GRIP1: variants seen among roughly 807,000 people sequenced by gnomAD.
GRIP1 encodes glutamate receptor interacting protein 1.
GRIP1 carries 45 observed loss-of-function variants against 129.9 expected under a neutral mutation model. The ratio of observed to expected loss-of-function variants is 0.35; its 90% CI spans 0.27 to 0.44. The LOEUF is 0.44. GRIP1 is among the 20% of genes least tolerant of loss of function. The pLI, the probability that GRIP1 is intolerant of heterozygous loss-of-function variation, is 1.00. For synonymous variants in GRIP1, 530 were observed against 520.8 expected, an observed-to-expected ratio of 1.02 and a Z score of -0.24; for missense variants, 1,196 against 1,396.8, an observed-to-expected ratio of 0.86 and a Z score of 2.29.
At chr12:66,805,840 TC>T (rs1163625040), upstream of GRIP1, among the ~76,000 whole-genome samples, 2 of 152,184 alleles carry the variant, frequency 1.3e-5, no homozygotes. Context: ...CCCAGAAGTT[TC>T]CCATTTTGTA....
At chr12:66,998,997 C>T (rs977197125) in intron 1 of GRIP1, among the ~76,000 whole-genome samples, 6 of 152,108 alleles carry the variant, frequency 3.9e-5, no homozygotes, top group African/African-American at 1.4e-4. Flanking sequence ...AAGGACCCCC[C>T]TCCTCAAAGT....
intron 4 of GRIP1, among the ~76,000 whole-genome samples, chr12:66,536,603 A>T (rs780650850): frequency 6.6e-6 from 1 of 152,144 alleles, no homozygotes; most frequent in Non-Finnish European, 1.5e-5. Flanking sequence ...CACATTCTCA[A>T]TGATGCTGTC....
At chr12:66,556,693 T>C (rs984235206) in intron 2 of GRIP1, among the ~76,000 whole-genome samples, 5 of 151,840 alleles carry the variant, frequency 3.3e-5, no homozygotes, top group African/African-American at 1.2e-4. Flanking sequence ...AGTTGAAGTG[T>C]AGAGTTTTTG....
At chr12:66,728,955 T>C (rs2036342740) in intron 1 of GRIP1, among the ~76,000 whole-genome samples, 2 of 152,142 alleles carry the variant, frequency 1.3e-5, no homozygotes, top group South Asian at 4.1e-4. Context: ...GAAAGTCTAG[T>C]AATCACTAAA....
intron 1 of GRIP1, among the ~76,000 whole-genome samples, chr12:67,061,234 A>G (rs1005905556): frequency 6.6e-6 from 1 of 152,240 alleles, no homozygotes; most frequent in African/African-American, 2.4e-5. Flanking sequence ...CTCCATCCAG[A>G]GATGGCCTGC....
At chr12:67,010,570 G>A (rs796843578) in intron 1 of GRIP1, among the ~76,000 whole-genome samples, 23 of 152,282 alleles carry the variant, frequency 1.5e-4, no homozygotes, top group African/African-American at 5.5e-4. Context: ...TAGGGAGAGT[G>A]ACAAGAATGT....
At chr12:66,426,433 T>A (rs576886565) in intron 14 of GRIP1, among the ~76,000 whole-genome samples, 4 of 152,124 alleles carry the variant, frequency 2.6e-5, no homozygotes, top group Non-Finnish European at 5.9e-5. Context: ...AAGGCCCACT[T>A]TTTTCCCCCT....
chr12:66,900,680 A>C (rs2040830353), intron 1 of GRIP1, among the ~76,000 whole-genome samples: 1 of 152,180 alleles, frequency 6.6e-6, no homozygotes, highest in South Asian at 2.1e-4. Context: ...AGGAGGAAGA[A>C]GGGAAGGGCC....
At chr12:66,776,514 C>T (rs1263537813) in intron 1 of GRIP1, among the ~76,000 whole-genome samples, 1 of 151,966 alleles carries the variant, frequency 6.6e-6, no homozygotes, top group Non-Finnish European at 1.5e-5. Context: ...CAGAATTAAG[C>T]AAAGTTCTAG....
intron 1 of GRIP1, among the ~76,000 whole-genome samples, chr12:66,997,023 G>GA (rs1488804723): frequency 6.6e-6 from 1 of 152,118 alleles, no homozygotes; most frequent in African/African-American, 2.4e-5. Flanking sequence ...CCACTGGACA[G>GA]AAAGACTAAT....
intron 2 of GRIP1, among the ~76,000 whole-genome samples, chr12:66,578,054 G>T (rs2063202992): frequency 6.6e-6 from 1 of 152,024 alleles, no homozygotes; most frequent in Non-Finnish European, 1.5e-5. Context: ...GAAAACAATT[G>T]CAGAGCAACT....
At chr12:66,396,978 C>A (rs1321124494) in intron 16 of GRIP1, among the ~76,000 whole-genome samples, 1 of 151,540 alleles carries the variant, frequency 6.6e-6, no homozygotes. Flanking sequence ...AGGCATGGTG[C>A]CTCGTGCCTG....
chr12:66,550,353 T>C (rs1263249528), intron 2 of GRIP1, among the ~76,000 whole-genome samples: 3 of 152,208 alleles, frequency 2.0e-5, no homozygotes, highest in Non-Finnish European at 2.9e-5. Context: ...GTATTATTGT[T>C]GTCTTATTGT....
intron 13 of GRIP1, among the ~76,000 whole-genome samples, chr12:66,440,003 T>C (rs1015093980): frequency 6.6e-6 from 1 of 152,200 alleles, no homozygotes; most frequent in Non-Finnish European, 1.5e-5. Flanking sequence ...TTCTGGTTGG[T>C]TTCCTCATGC....
chr12:66,723,673 C>A (rs1446748268), intron 1 of GRIP1, among the ~76,000 whole-genome samples: 2 of 152,018 alleles, frequency 1.3e-5, no homozygotes, highest in African/African-American at 2.4e-5. Context: ...ATGGCTTCAC[C>A]ATGGAGCTTT....
At chr12:66,954,651 C>T (rs1349261420) in intron 1 of GRIP1, among the ~76,000 whole-genome samples, 2 of 152,166 alleles carry the variant, frequency 1.3e-5, no homozygotes, top group East Asian at 3.9e-4. Flanking sequence ...TAATATCAAC[C>T]ATTCGATGTG....
At chr12:66,438,620 C>T (rs1317863884) in intron 13 of GRIP1, among the ~76,000 whole-genome samples, 1 of 151,874 alleles carries the variant, frequency 6.6e-6, no homozygotes, top group Non-Finnish European at 1.5e-5. Context: ...CTCAGCCTCC[C>T]TGGTAGCTAG....
chr12:66,368,655 G>A (rs757628976), intron 23 of GRIP1, among the ~76,000 whole-genome samples: 1 of 152,136 alleles, frequency 6.6e-6, no homozygotes, highest in Non-Finnish European at 1.5e-5. Flanking sequence ...TGCCACCACC[G>A]CAAAACAGTA....
Position 66,857,920 on chromosome 12 carries a change from C to A in GRIP1, c.58+211130G>T, listed in dbSNP as rs1206037801. On this transcript the variant is annotated intron_variant, in intron 1 of 1. Transcript: ENST00000643019. ...GGAGTGTCTGAAACTACAGGTAAAG[C>A]CATATTAATGTCGAGCACAGAAGTG... Among the ~76,000 whole-genome samples, 3 of 152,036 alleles carry A rather than the reference C, an allele frequency of 2.0e-5. No individual in the cohort carries two copies. In the East Asian group the frequency reaches 5.8e-4, roughly 29 times the overall value.
Sources: gnomAD v4.1 joint callset for allele counts (sites outside exome capture counted in the v4.1 genomes callset) on GRCh38, gnomAD v4.1.1 for gene constraint, MANE v1.5 for transcripts, NCBI Gene and HGNC (gene_info 2026-07-23, HGNC 2026-07-21) for gene names.